Variants in TNRC6C observed in about 807,000 individuals in gnomAD.
The protein encoded by TNRC6C is trinucleotide repeat containing adaptor 6C.
Under a neutral mutation model 153.7 loss-of-function variants are expected in TNRC6C, and 20 were observed. The observed-to-expected ratio is 0.13, with a 90% CI of 0.09 to 0.19. The LOEUF is 0.19. Among genes scored for constraint, TNRC6C ranks in the 10% least tolerant of loss-of-function variants. The pLI is 1.00. For missense variants in TNRC6C, 1,987 were observed against 2,172.0 expected (o/e 0.91, Z 1.69); for synonymous variants, 811 against 841.4 (o/e 0.96, Z 0.63).
intron 3 of TNRC6C, among the ~76,000 whole-genome samples, chr17:78,056,535 C>T (rs544861245): frequency 2.6e-5 from 4 of 151,606 alleles, no homozygotes; most frequent in Middle Eastern, 3.4e-3. Context: ...ACAATCTCAG[C>T]TCACTGCAAG....
intron 1 of TNRC6C, among the ~76,000 whole-genome samples, chr17:77,995,497 G>A (rs1263511781): frequency 1.3e-5 from 2 of 152,206 alleles, no homozygotes; most frequent in Non-Finnish European, 2.9e-5. Context: ...GGCACTGAGA[G>A]GCAATAAATC....
chr17:78,040,202 G>T (rs1454338495), intron 2 of TNRC6C, among the ~76,000 whole-genome samples: 1 of 152,224 alleles, frequency 6.6e-6, no homozygotes, highest in African/African-American at 2.4e-5. Context: ...GGGAAGATGA[G>T]TATTAGTACG....
At chr17:77,989,508 A>G (rs2071219362) in intron 1 of TNRC6C, among the ~76,000 whole-genome samples, 1 of 152,144 alleles carries the variant, frequency 6.6e-6, no homozygotes, top group African/African-American at 2.4e-5. Flanking sequence ...AAATCTCTTC[A>G]CCTGCTAATC....
At position 78,104,580 on chromosome 17, in the gene TNRC6C, C is replaced by G; in HGVS notation, c.4808C>G (p.Ser1603Cys). ...CAAGGCCAGGCGCTGCCACCCACTT[C>G]CAGCTGGCAGTCCAGCAGCGCGTCC... The change falls in exon 20 of 20, where the codon TCC (serine) becomes TGC (cysteine). Residue 1603 changes from serine to cysteine, a missense_variant. Ser to Cys is a moderately radical substitution (Grantham distance 112, BLOSUM62 -1). Coordinates refer to ENST00000301624, the Ensembl canonical transcript of TNRC6C. The surrounding 1 kb of genome is among the most constrained non-coding windows in gnomAD (Gnocchi z 6.2). The G allele has an allele frequency of 6.4e-7, 1 of 1,553,772 alleles. No homozygotes were observed. Among genetic ancestry groups the G allele is most frequent in the Non-Finnish European group, 8.7e-7 (1 of 1,148,546 alleles).
rs576324678 is a variant in TNRC6C at position 78,043,379 on chromosome 17, A to G, written c.-218-5466A>G. Among the ~76,000 whole-genome samples the G allele has an allele frequency of 2.6e-5, 4 of 152,356 alleles. No individual in the cohort carries two copies. The East Asian group carries it at 7.7e-4, about 29-fold the overall frequency. The stretch of plus-strand genomic sequence containing the variant: ...TTGGTTGATTGGTTCCTTCTTAAGT[A>G]AAATAGCATTGTTCCAAATTGACTT... On this transcript the variant is annotated intron_variant, in intron 2 of 19. Coordinates refer to ENST00000301624, the Ensembl canonical transcript of TNRC6C.
At chr17:78,098,217 G>T in intron 16 of TNRC6C, 126 bp from the exon 20 acceptor site, 1 of 955,218 alleles carries the variant, frequency 1.0e-6, no homozygotes, top group Non-Finnish European at 1.5e-6. Context: ...GGCTTGACTT[G>T]GTGTTTCTTT....
intron 17 of TNRC6C, among the ~76,000 whole-genome samples, chr17:78,100,712 C>T (rs548789517): frequency 4.6e-5 from 7 of 150,856 alleles, no homozygotes; most frequent in South Asian, 4.2e-4. Flanking sequence ...TGCAGCTCCT[C>T]GTTACTTAGG....
At chr17:78,093,480 AAG>A (rs1220020034) in intron 15 of TNRC6C, 138 bp from the exon 18 acceptor site, 4 of 1,032,752 alleles carry the variant, frequency 3.9e-6, no homozygotes, top group Non-Finnish European at 5.5e-6. Context: ...GCTTTAATGA[AAG>A]AGAGTATAAG....
At chr17:78,004,378 T>C, upstream of TNRC6C, 2 of 1,169,508 alleles carry the variant, frequency 1.7e-6, no homozygotes, top group Non-Finnish European at 2.1e-6. Context: ...TAAATCAATA[T>C]GCCAAGTCTA....
At chr17:77,991,500 AAC>A (rs2071249524) in intron 1 of TNRC6C, among the ~76,000 whole-genome samples, 6 of 152,176 alleles carry the variant, frequency 3.9e-5, no homozygotes, top group Non-Finnish European at 8.8e-5. Context: ...CTTGAATGTG[AAC>A]AGAAATAATA....
chr17:78,100,847 C>T (rs1377876501), intron 17 of TNRC6C, among the ~76,000 whole-genome samples: 3 of 143,584 alleles, frequency 2.1e-5, no homozygotes, highest in African/African-American at 7.9e-5. Context: ...GTGATCTCGG[C>T]TCACTGCAAC....
intron 1 of TNRC6C, among the ~76,000 whole-genome samples, chr17:77,962,155 T>G (rs531652289): frequency 1.3e-5 from 2 of 152,188 alleles, no homozygotes; most frequent in African/African-American, 4.8e-5. Context: ...TGACATTTTT[T>G]AAAAAAGACT....
chr17:78,015,292 CAG>C (rs1243255795), intron 1 of TNRC6C, among the ~76,000 whole-genome samples: 1 of 152,108 alleles, frequency 6.6e-6, no homozygotes, highest in Non-Finnish European at 1.5e-5. Flanking sequence ...GTCCTGTTGA[CAG>C]AGGTGGAGCA....
At chr17:78,060,928 TTC>T (rs2072756614) in intron 3 of TNRC6C, among the ~76,000 whole-genome samples, 1 of 152,200 alleles carries the variant, frequency 6.6e-6, no homozygotes, top group Admixed American at 6.5e-5. Context: ...GAGAGAAAGA[TTC>T]TCTGTTTCTT....
rs753714550 is a variant in TNRC6C, at chr17:78,091,548, A to G, written c.3911A>G (p.Asn1304Ser). The G allele has an allele frequency of 9.4e-6, 15 of 1,603,894 alleles. No individual in the cohort carries two copies. Among genetic ancestry groups the G allele is most frequent in the Middle Eastern group, 1.7e-4 (1 of 6,040 alleles). The change falls in exon 14 of 20, where the codon AAC becomes AGC. Residue 1304 changes from asparagine (N) to serine (S), a missense_variant. This residue lies in a region of TNRC6C where 765 missense variants were observed against 908.6 expected (regional missense o/e 0.84). Transcript: ENST00000301624. ...CGCCTCCCCCAGTGGACGCACCCCA[A>G]CTCCATGGATAACTTGCCCAGTGCC...
chr17:78,038,508 C>G (rs2072225467), intron 2 of TNRC6C, among the ~76,000 whole-genome samples: 1 of 150,910 alleles, frequency 6.6e-6, no homozygotes, highest in South Asian at 2.1e-4. Context: ...CCCATCTCTA[C>G]TAAAAAAAAA....
At chr17:77,960,606 A>G (rs991533377) in intron 1 of TNRC6C, among the ~76,000 whole-genome samples, 2 of 152,208 alleles carry the variant, frequency 1.3e-5, no homozygotes, top group African/African-American at 4.8e-5. Flanking sequence ...ATATTCATAG[A>G]TTCCGGATTT....
chr17:78,082,003 C>T (rs2073189478), intron 10 of TNRC6C, among the ~76,000 whole-genome samples: 1 of 151,822 alleles, frequency 6.6e-6, no homozygotes. Flanking sequence ...TACGTGCTAA[C>T]TACTAATGTT....
intron 11 of TNRC6C, among the ~76,000 whole-genome samples, chr17:78,084,802 T>A (rs926129894): frequency 9.2e-5 from 14 of 152,058 alleles, no homozygotes; most frequent in African/African-American, 3.4e-4. Flanking sequence ...CTAATTTTTG[T>A]ATTTTTAGTA....
Sources: allele counts gnomAD v4.1 joint callset (sites outside exome capture counted in the v4.1 genomes callset), GRCh38; gene constraint gnomAD v4.1.1; regional missense constraint gnomAD v4.1.1; non-coding constraint Gnocchi (gnomAD v3.1); transcripts MANE v1.5; gene names NCBI Gene and HGNC (gene_info 2026-07-23, HGNC 2026-07-21).